Variants in DOCK6 observed in about 807,000 individuals in gnomAD.
DOCK6 encodes dedicator of cytokinesis 6.
Under a neutral mutation model 230.3 loss-of-function variants are expected in DOCK6, and 167 were observed. That is an observed-to-expected ratio of 0.73 (90% CI 0.64 to 0.82). The LOEUF (loss-of-function observed/expected upper bound fraction) is 0.82, where lower values mean the gene tolerates loss of function less well. DOCK6 is among the 40% of genes least tolerant of loss of function. DOCK6 has a pLI of 0.00. For synonymous variants in DOCK6, 1,148 were observed against 1,185.0 expected (o/e 0.97, Z 0.64); for missense variants, 2,598 against 2,825.8 (o/e 0.92, Z 1.83).
chr19:11,200,172 C>A lies in DOCK6; in HGVS notation c.6101+136G>T. On this transcript the variant is annotated intron_variant, in intron 47 of 47. Transcript: ENST00000294618. This position sits in a 1 kb window ranked among gnomAD's most constrained non-coding sequence, Gnocchi z 4.3. ...TCAAAAAAAAAAACAAAAAAAAAACCGGAAACAAAACAAAGTCCAAGCTAC... is the reference window on the plus strand; with the variant it reads ...TCAAAAAAAAAAACAAAAAAAAAACAGGAAACAAAACAAAGTCCAAGCTAC... The A allele has an allele frequency of 1.1e-6, 1 of 942,282 alleles. No homozygotes were observed. Among genetic ancestry groups the A allele is most frequent in the Non-Finnish European group, 1.5e-6 (1 of 662,696 alleles). The allele number at this position is 942,282 out of a possible 1,614,324, so 58.4% of individuals were successfully genotyped here.
intron 28 of DOCK6, among the ~76,000 whole-genome samples, chr19:11,218,420 T>C (rs1342088998): frequency 1.3e-5 from 2 of 152,236 alleles, no homozygotes; most frequent in East Asian, 3.8e-4. Context: ...GTATTAGGAT[T>C]ACAGGCGTGA....
intron 1 of DOCK6, among the ~76,000 whole-genome samples, chr19:11,258,361 T>A (rs1167376543): frequency 2.0e-5 from 3 of 151,888 alleles, no homozygotes; most frequent in Non-Finnish European, 2.9e-5. Context: ...ATTGACCAAG[T>A]GGCCATTTCC....
intron 21 of DOCK6, among the ~76,000 whole-genome samples, chr19:11,234,015 T>A (rs1242573037): frequency 6.6e-6 from 1 of 151,568 alleles, no homozygotes; most frequent in Non-Finnish European, 1.5e-5. Context: ...TTTTTTTTTT[T>A]AATGAGACGG....
intron 39 of DOCK6, among the ~76,000 whole-genome samples, chr19:11,206,620 G>A (rs559824666): frequency 6.6e-6 from 1 of 151,922 alleles, no homozygotes; most frequent in Admixed American, 6.6e-5. Flanking sequence ...GACAGCCATT[G>A]TGGGCCCTTA....
At position 11,214,363 on chromosome 19, in the gene DOCK6, A is replaced by T. The variant is rs2079443533; in HGVS notation, c.4250T>A (p.Leu1417Gln). 6.2e-7 allele frequency: 1 copy of T among 1,613,732 alleles called. No individual in the cohort carries two copies. ...GCCCAGGCTGTACAGCACAACCTTC[A>T]GCACTGCCCCCAAGACGCTCTCCCG... ...EARESVLGAV[L>Q]KVVLYSLGSA... The change falls in exon 34 of 48, where the codon CTG becomes CAG. Residue 1417 changes from leucine to glutamine, a missense_variant. Coordinates refer to ENST00000294618, the MANE Select transcript of DOCK6 (RefSeq NM_020812.4).
In DOCK6 at chr19:11,243,474, C is replaced by G; in HGVS notation, c.1258+83G>C. On this transcript the variant is annotated intron_variant, in intron 11 of 47. Transcript: ENST00000294618. The surrounding 1 kb of genome is among the most constrained non-coding windows in gnomAD (Gnocchi z 6.3). ...CACAGTTCGGCCAGCAGAGGGCGCA[C>G]CCCCTCGCCCCGTAGCCCCGCCCCA... 1.9e-6 allele frequency: 3 copies of G among 1,543,390 alleles called. No individual in the cohort carries two copies. Among genetic ancestry groups the G allele is most frequent in the Non-Finnish European group, 2.6e-6 (3 of 1,145,264 alleles).
Position 11,235,699 on chromosome 19 carries a change from C to A in DOCK6, c.2453G>T (p.Ser818Ile). Residue 818 changes from serine (S) to isoleucine (I), a missense_variant, in exon 21 of 48, where the codon AGC becomes ATC. By Grantham distance (142) the Ser-to-Ile change is moderately radical. Coordinates refer to ENST00000294618, the MANE Select transcript of DOCK6 (RefSeq NM_020812.4). ...GCGGGCATCCTGGGCTGCCTCCAGG[C>A]TCCGGTGAACAAGGCTGACTACATG... ...MAHVVSLVHR[S>I]LEAAQDARGH... The A allele has an allele frequency of 6.2e-7, 1 of 1,600,992 alleles. No individual in the cohort carries two copies. The highest frequency in any genetic ancestry group is 8.5e-7 in the Non-Finnish European group (1 of 1,173,660).
At position 11,212,014 on chromosome 19, in the gene DOCK6, C is replaced by G. The variant is rs1415898446; in HGVS notation, c.4629G>C (p.Arg1543=). The part of the protein sequence containing the change: ...LTYAEEDMGL[R]DSTFAEQVQD... Reference sequence around the variant, plus strand: ...TCACCTGCTCTGCGAAGGTGCTGTCCCGCAGCCCCATGTCCTCCTCAGCAT... The same window carrying G: ...TCACCTGCTCTGCGAAGGTGCTGTCGCGCAGCCCCATGTCCTCCTCAGCAT... The change falls in exon 36 of 48, where the codon CGG becomes CGC. Residue 1543 remains arginine (R), a synonymous_variant. Transcript: ENST00000294618. The G allele has an allele frequency of 6.2e-7, 1 of 1,607,088 alleles. No homozygotes were observed. The highest frequency in any genetic ancestry group is 8.5e-7 in the Non-Finnish European group (1 of 1,177,184).
chr19:11,213,343 C>T lies in DOCK6; in HGVS notation c.4339-15G>A. ...AGCTCCGGGAACTGCCCCCAAGGAC[C>T]CAGACAGACACTGTCCAGCCCCTCC... On this transcript the variant is annotated splice_polypyrimidine_tract_variant and intron_variant, in intron 34 of 47. Transcript: ENST00000294618. The T allele has an allele frequency of 6.2e-7, 1 of 1,607,762 alleles. No individual in the cohort carries two copies. The highest frequency in any genetic ancestry group is 8.5e-7 in the Non-Finnish European group (1 of 1,178,258).
At chr19:11,240,275 C>T in intron 14 of DOCK6, 3 of 1,582,946 alleles carry the variant, frequency 1.9e-6, no homozygotes, top group South Asian at 1.2e-5. Flanking sequence ...GCCCTGCCTA[C>T]CGAGAATTTG....
rs560244093 is a variant in DOCK6 at position 11,262,429 on chromosome 19, G to C, written c.12C>G (p.Ser4=). 1.6e-4 allele frequency: 195 copies of C among 1,254,684 alleles called. 1 individual carries two copies. The African/African-American group carries it at 2.7e-3, about 18-fold the overall frequency. The allele number at this position is 1,254,684 out of a possible 1,614,324, so 77.7% of individuals were successfully genotyped here. The change falls in exon 1 of 48, where the codon TCC becomes TCG. Residue 4 remains serine, a synonymous_variant. Coordinates refer to ENST00000294618, the MANE Select transcript of DOCK6 (RefSeq NM_020812.4). ...TCTTGTGCGCGAAGGCGCGGCGCTCGGAGGCAGCCATGGTCCTCGCGTCCC... is the reference window on the plus strand; with the variant it reads ...TCTTGTGCGCGAAGGCGCGGCGCTCCGAGGCAGCCATGGTCCTCGCGTCCC... MAA[S]ERRAFAHKIN...
At chr19:11,232,797 G>A (rs1386146387) in intron 22 of DOCK6, among the ~76,000 whole-genome samples, 8 of 151,804 alleles carry the variant, frequency 5.3e-5, no homozygotes, top group African/African-American at 1.9e-4. Flanking sequence ...GCATGTGGGG[G>A]TGAATGTGTA....
At position 11,199,548 on chromosome 19, in the gene DOCK6, A is replaced by T. The variant is rs1268130053; in HGVS notation, c.6102-9T>A. 1.9e-6 allele frequency: 3 copies of T among 1,574,030 alleles called. No individual in the cohort carries two copies. The highest frequency in any genetic ancestry group is 2.6e-6 in the Non-Finnish European group (3 of 1,159,672). ...CTCTGTTCAAGGAGTTCCTGGAAAA[A>T]GAATGAGGGTGGGTCAGCATGGCCA... is the stretch of plus-strand genomic sequence containing the variant. On this transcript the variant is annotated splice_polypyrimidine_tract_variant and intron_variant, in intron 47 of 47. Coordinates refer to ENST00000294618, the MANE Select transcript of DOCK6 (RefSeq NM_020812.4).
chr19:11,202,216 C>A lies in DOCK6; in HGVS notation c.5452-91G>T. 6.9e-7 allele frequency: 1 copy of A among 1,451,992 alleles called. No individual in the cohort carries two copies. The highest frequency in any genetic ancestry group is 9.5e-7 in the Non-Finnish European group (1 of 1,053,846). The allele number at this position is 1,451,992 out of a possible 1,614,324, so 89.9% of individuals were successfully genotyped here. A position where few individuals can be genotyped will look rare whatever the true frequency, so the allele number is the denominator to read the frequency against. ...GAGAGAGGGGATCTGGGGACTTTGTCATTTCCAAGTCTTCCTATGTCTGGA... is the reference window on the plus strand; with the variant it reads ...GAGAGAGGGGATCTGGGGACTTTGTAATTTCCAAGTCTTCCTATGTCTGGA... On this transcript the variant is annotated intron_variant, in intron 43 of 47. Coordinates refer to ENST00000294618, the MANE Select transcript of DOCK6 (RefSeq NM_020812.4). The surrounding 1 kb of genome is among the most constrained non-coding windows in gnomAD (Gnocchi z 5.3).
At chr19:11,203,481 C>A (rs964772823) in intron 41 of DOCK6, 2 of 153,864 alleles carry the variant, frequency 1.3e-5, no homozygotes, top group African/African-American at 4.8e-5. Context: ...ACCTGCCCTC[C>A]CCACCCAGCT....
intron 21 of DOCK6, 71 bp from the exon 22 acceptor site, chr19:11,233,437 G>A: frequency 6.5e-7 from 1 of 1,527,638 alleles, no homozygotes; most frequent in Non-Finnish European, 8.9e-7. Flanking sequence ...TTCCTACTCA[G>A]CTAATCTCTG....
At chr19:11,253,581 C>G (rs1449711057) in intron 2 of DOCK6, 58 bp downstream of exon 2, 14 of 1,166,702 alleles carry the variant, frequency 1.2e-5, no homozygotes, top group Non-Finnish European at 1.6e-5. Flanking sequence ...GCCAAGGAAG[C>G]CCCTACCTCT....
intron 18 of DOCK6, 169 bp from the exon 19 acceptor site, chr19:11,237,048 G>A (rs2079860493): frequency 1.5e-6 from 1 of 653,900 alleles, no homozygotes; most frequent in Non-Finnish European, 2.6e-6. Flanking sequence ...GGGTCCACTG[G>A]GCAGGCTGGA....
At position 11,217,185 on chromosome 19, in the gene DOCK6, T is replaced by C. The variant is rs377492504; in HGVS notation, c.3711+46A>G. On this transcript the variant is annotated intron_variant, in intron 29 of 47. Coordinates refer to ENST00000294618, the MANE Select transcript of DOCK6 (RefSeq NM_020812.4). ...TCTGTATCTTGATACATGACTTCTC[T>C]CATTCAAAGTGGATGATGTCTATGG... 38 of 1,601,038 alleles carry C rather than the reference T, an allele frequency of 2.4e-5. No individual in the cohort carries two copies. The South Asian group carries it at 3.9e-4, about 16-fold the overall frequency.
Sources: gnomAD v4.1 joint callset for allele counts (sites outside exome capture counted in the v4.1 genomes callset) on GRCh38, gnomAD v4.1.1 for gene constraint, Gnocchi (gnomAD v3.1) non-coding constraint, MANE v1.5 for transcripts, NCBI Gene and HGNC (gene_info 2026-07-23, HGNC 2026-07-21) for gene names.